The following EDA variants were observed in gnomAD, a reference collection of about 807,000 sequenced individuals.
EDA encodes the protein ectodysplasin A, also known as ectodysplasin-A.
A neutral mutation model predicts 23.6 loss-of-function variants in EDA; 2 were observed. The observed-to-expected ratio is 0.08, with a 90% confidence interval of 0.03 to 0.27. EDA has a LOEUF of 0.27. Among genes scored for constraint, EDA ranks in the 10% least tolerant of loss-of-function variants. The probability of loss-of-function intolerance (pLI) is 1.00; values close to 1 mark genes in which losing one functional copy is unlikely to be tolerated. For missense variants in EDA, 229 were observed against 324.2 expected, an observed-to-expected ratio of 0.71 and a Z score of 2.26; for synonymous variants, 131 against 132.0, an observed-to-expected ratio of 0.99 and a Z score of 0.05.
chrX:69,666,611 A>C (rs996586792), intron 1 of EDA, among the ~76,000 whole-genome samples: 1 of 112,503 alleles, frequency 8.9e-6, no homozygotes, highest in African/African-American at 3.2e-5. Context: ...TGATTTGCTT[A>C]TGTTAAACCA....
chrX:69,698,091 C>T (rs1488730608), intron 1 of EDA, among the ~76,000 whole-genome samples: 1 of 111,890 alleles, frequency 8.9e-6, no homozygotes, highest in East Asian at 2.8e-4. Context: ...AGGAACCATC[C>T]TCAGCCCAAG....
intron 1 of EDA, among the ~76,000 whole-genome samples, chrX:69,832,403 T>C (rs1354234893): frequency 2.7e-5 from 3 of 112,056 alleles, no homozygotes; most frequent in African/African-American, 6.5e-5. Flanking sequence ...TATATCTCTG[T>C]CTTGGTACCA....
Position 69,825,430 on chromosome X carries a change from A to G in EDA, c.397-131597A>G, listed in dbSNP as rs1277468224. Among the ~76,000 whole-genome samples the G allele has an allele frequency of 2.8e-4, 30 of 109,038 alleles. No homozygotes were observed. The East Asian group carries it at 5.2e-3, about 19-fold the overall frequency. The allele number at this position is 109,038 out of a possible 115,157, so 94.7% of individuals were successfully genotyped here. On this transcript the variant is annotated intron_variant, in intron 1 of 7. Transcript: ENST00000374552. ...CTTCTTCCTGGTTTAGTCTTGGGAGAGTGTATGTGTCGAGGAATTTATCCA... is the reference window on the plus strand; with the variant it reads ...CTTCTTCCTGGTTTAGTCTTGGGAGGGTGTATGTGTCGAGGAATTTATCCA...
intron 1 of EDA, among the ~76,000 whole-genome samples, chrX:69,789,730 C>G (rs755618798): frequency 9.0e-6 from 1 of 111,642 alleles, no homozygotes; most frequent in African/African-American, 3.3e-5. Flanking sequence ...TTCTCATTTT[C>G]TATATTCATT....
rs2016244985 is a variant in EDA, at chrX:69,822,227, A to G, written c.397-134800A>G. Among the ~76,000 whole-genome samples the G allele has an allele frequency of 2.7e-5, 3 of 111,240 alleles. No individual in the cohort carries two copies. The South Asian group carries it at 1.2e-3, about 43-fold the overall frequency. ...TTGAGCCAAGGAGTTCAGGGTTACA[A>G]TGAGCTATGATCATGCCACAGCACT... On this transcript the variant is annotated intron_variant, in intron 1 of 7. Coordinates refer to ENST00000374552, the MANE Select transcript of EDA (RefSeq NM_001399.5).
At chrX:69,818,120 C>G (rs2016123626) in intron 1 of EDA, among the ~76,000 whole-genome samples, 1 of 111,764 alleles carries the variant, frequency 8.9e-6, no homozygotes, top group African/African-American at 3.2e-5. Flanking sequence ...CTGAATGACT[C>G]TTGGGTAAAT....
At chrX:69,816,894 A>G (rs1334015084) in intron 1 of EDA, among the ~76,000 whole-genome samples, 2 of 110,941 alleles carry the variant, frequency 1.8e-5, no homozygotes, top group African/African-American at 6.6e-5. Context: ...GATTGACCCC[A>G]AGACACGACA....
intron 1 of EDA, among the ~76,000 whole-genome samples, chrX:69,711,785 G>A (rs2012055296): frequency 9.0e-6 from 1 of 111,689 alleles, no homozygotes; most frequent in Non-Finnish European, 1.9e-5. Flanking sequence ...TTGCGTAGAG[G>A]TGTTTATAGT....
intron 1 of EDA, among the ~76,000 whole-genome samples, chrX:69,735,629 T>G (rs1226128556): frequency 9.0e-6 from 1 of 111,570 alleles, no homozygotes; most frequent in Non-Finnish European, 1.9e-5. Flanking sequence ...TTATGTGGAT[T>G]CATACACAGA....
At chrX:69,920,289 T>G (rs2018411411) in intron 1 of EDA, among the ~76,000 whole-genome samples, 1 of 111,415 alleles carries the variant, frequency 9.0e-6, no homozygotes, top group Non-Finnish European at 1.9e-5. Context: ...CCCCATATAC[T>G]CTATCCCCAG....
chrX:69,779,364 T>C (rs2014874964), intron 1 of EDA, among the ~76,000 whole-genome samples: 1 of 111,747 alleles, frequency 8.9e-6, no homozygotes, highest in Admixed American at 9.5e-5. Flanking sequence ...AATGGACTGC[T>C]GATACATGCT....
chrX:69,833,664 G>A (rs1289523111), intron 1 of EDA, among the ~76,000 whole-genome samples: 2 of 110,795 alleles, frequency 1.8e-5, no homozygotes, highest in East Asian at 2.8e-4. Context: ...CTGTGATTCC[G>A]TCTGGTCCTG....
chrX:69,748,862 T>G (rs2013710212), intron 1 of EDA, among the ~76,000 whole-genome samples: 1 of 112,145 alleles, frequency 8.9e-6, no homozygotes, highest in African/African-American at 3.2e-5. Flanking sequence ...TCAGTGTTTG[T>G]TAAATAAGAT....
chrX:69,655,762 C>CTATATATA lies in EDA; in HGVS notation c.396+39076_396+39083dup, dbSNP rs3077261. Among the ~76,000 whole-genome samples the CTATATATA allele has an allele frequency of 6.0e-3, 313 of 52,468 alleles. 34 individuals are homozygous for CTATATATA. In the East Asian group the frequency reaches 0.095, roughly 16 times the overall value. The allele number at this position is 52,468 out of a possible 115,157, so 45.6% of individuals were successfully genotyped here. On this transcript the variant is annotated intron_variant, in intron 1 of 7. Coordinates refer to ENST00000374552, the MANE Select transcript of EDA (RefSeq NM_001399.5). ...CCACTATTATTTACATCATTAGAAT[C>CTATATATA]TATATATATATATATATATATATAT... is the stretch of plus-strand genomic sequence containing the variant.
intron 1 of EDA, among the ~76,000 whole-genome samples, chrX:69,781,403 A>G (rs2014939284): frequency 1.8e-5 from 2 of 111,298 alleles, no homozygotes; most frequent in South Asian, 7.6e-4. Context: ...ACCAATACTT[A>G]TTTTCTGTCT....
At chrX:69,959,367 T>C (rs1342553798) in intron 2 of EDA, among the ~76,000 whole-genome samples, 1 of 111,577 alleles carries the variant, frequency 9.0e-6, no homozygotes, top group Non-Finnish European at 1.9e-5. Context: ...TTATTAGATT[T>C]CCAACTTTTC....
At chrX:69,813,223 C>T (rs1024780587) in intron 1 of EDA, among the ~76,000 whole-genome samples, 3 of 111,853 alleles carry the variant, frequency 2.7e-5, no homozygotes, top group Non-Finnish European at 5.6e-5. Context: ...GCCAGTCTTA[C>T]CAGTCTTACC....
intron 1 of EDA, among the ~76,000 whole-genome samples, chrX:69,751,552 A>G (rs2013866930): frequency 8.9e-6 from 1 of 111,807 alleles, no homozygotes; most frequent in African/African-American, 3.3e-5. Context: ...GTTTTTTCCA[A>G]TTCTATGAAG....
At chrX:69,846,307 T>G (rs1363848011) in intron 1 of EDA, among the ~76,000 whole-genome samples, 1 of 111,377 alleles carries the variant, frequency 9.0e-6, no homozygotes, top group Non-Finnish European at 1.9e-5. Context: ...GTTGTTGTTG[T>G]TTTTTGAGAC....
Sources: gnomAD v4.1 joint callset for allele counts (sites outside exome capture counted in the v4.1 genomes callset) on GRCh38, gnomAD v4.1.1 for gene constraint, MANE v1.5 for transcripts, NCBI Gene and HGNC (gene_info 2026-07-23, HGNC 2026-07-21) for gene names.